FAAP20: variants seen among roughly 807,000 people sequenced by gnomAD.
The protein encoded by FAAP20 is Fanconi anemia core complex-associated protein 20.
FAAP20 carries 12 observed loss-of-function variants against 16.2 expected under a neutral mutation model. The ratio of observed to expected loss-of-function variants is 0.74; its 90% CI spans 0.48 to 1.20. The LOEUF is 1.20. Ranked by LOEUF, FAAP20 falls within the 50% of genes most tolerant of loss-of-function variation. The pLI is 0.00. For synonymous variants in FAAP20, 141 were observed against 110.7 expected (o/e 1.27, Z -1.72); for missense variants, 288 against 245.8 (o/e 1.17, Z -1.15).
chr1:2,209,060 C>G (rs1301281118), downstream of FAAP20, among the ~76,000 whole-genome samples: 1 of 152,188 alleles, frequency 6.6e-6, no homozygotes, highest in African/African-American at 2.4e-5. Flanking sequence ...GCAGAGCCCC[C>G]CAGGCCGGGT....
Position 2,194,079 on chromosome 1 carries a change from G to C in FAAP20, c.117C>G (p.Leu39=). 1 of 1,612,606 alleles carries C rather than the reference G, an allele frequency of 6.2e-7. No individual in the cohort carries two copies. The highest frequency in any genetic ancestry group is 1.1e-5 in the South Asian group (1 of 91,080). The part of the protein sequence containing the change: ...FLLGGDERER[L]WAELLRTVSP... Reference sequence around the variant, plus strand: ...TCACCGTGCGCAGTAGCTCGGCCCAGAGCCGCTCCCGCTCATCACCCCCCA... The same window carrying C: ...TCACCGTGCGCAGTAGCTCGGCCCACAGCCGCTCCCGCTCATCACCCCCCA... Residue 39 remains leucine (L), a synonymous_variant, in exon 2 of 4, where the codon CTC becomes CTG. Transcript: ENST00000378546.
rs569054807 is a variant in FAAP20, at chr1:2,190,577, T to C, written c.471-796A>G. 4 of 365,960 alleles carry C rather than the reference T, an allele frequency of 1.1e-5. No individual in the cohort carries two copies. The East Asian group carries it at 3.0e-4, about 27-fold the overall frequency. The allele number at this position is 365,960 out of a possible 1,614,324, so 22.7% of individuals were successfully genotyped here. A position where few individuals can be genotyped will look rare whatever the true frequency, so the allele number is the denominator to read the frequency against. ...GGTGTGGCCCTGGAAGCCAGGACAG[T>C]TGACTTCCGGCCATGACTCCCGGAG... On this transcript the variant is annotated intron_variant, in intron 3 of 3. Coordinates refer to ENST00000378546, the MANE Select transcript of FAAP20 (RefSeq NM_182533.4).
rs572831878 is a variant in FAAP20, at chr1:2,194,221, G to A, written c.63-88C>T. On this transcript the variant is annotated intron_variant, in intron 1 of 3. Coordinates refer to ENST00000378546, the MANE Select transcript of FAAP20 (RefSeq NM_182533.4). ...CCCGGGAGGGCCTGGGGCAGAGAGA[G>A]CGGGGAGATGGGGGGTACTAGAGGG... 5.5e-4 allele frequency: 840 copies of A among 1,529,240 alleles called. 10 individuals are homozygous for A. The African/African-American group carries it at 0.01, about 19-fold the overall frequency. The allele number at this position is 1,529,240 out of a possible 1,614,324, so 94.7% of individuals were successfully genotyped here. A position where few individuals can be genotyped will look rare whatever the true frequency, so the allele number is the denominator to read the frequency against.
chr1:2,198,470 C>T (rs2100724241), upstream of FAAP20: 3 of 411,882 alleles, frequency 7.3e-6, no homozygotes, highest in South Asian at 4.3e-5. Flanking sequence ...CAACTCCTTC[C>T]ACCGCGGAAG....
downstream of FAAP20, among the ~76,000 whole-genome samples, chr1:2,188,282 C>A (rs1386613561): frequency 1.3e-5 from 2 of 152,200 alleles, no homozygotes; most frequent in African/African-American, 2.4e-5. Flanking sequence ...CGGTGGCTGA[C>A]GGATCTGGGT....
At chr1:2,197,408 G>A (rs1309885276), upstream of FAAP20, among the ~76,000 whole-genome samples, 2 of 152,240 alleles carry the variant, frequency 1.3e-5, no homozygotes, top group African/African-American at 4.8e-5. Context: ...GCGCTGCCCG[G>A]CTGGCGCAGG....
chr1:2,192,214 C>A, intron 3 of FAAP20: 1 of 986,028 alleles, frequency 1.0e-6, no homozygotes, highest in Non-Finnish European at 1.2e-6. Flanking sequence ...AACCCTTGTT[C>A]CCAAAGATAT....
chr1:2,205,391 C>G (rs1423101690), intron 3 of FAAP20, among the ~76,000 whole-genome samples: 12 of 149,250 alleles, frequency 8.0e-5, no homozygotes, highest in Admixed American at 6.6e-4. Flanking sequence ...CTGGGGCAGC[C>G]GTCCCCGTGA....
In FAAP20 at chr1:2,189,632, G is replaced by A. The variant is rs1687933470; in HGVS notation, c.*77C>T. On this transcript the variant is annotated 3_prime_UTR_variant, in exon 4 of 4. Transcript: ENST00000378546. ...GCCGAGAGGCGGGGCTGCTGGCGGG[G>A]GAGCCGAGAGGCGGGGCTGCTGGCG... 8.1e-7 allele frequency: 1 copy of A among 1,234,430 alleles called. No individual in the cohort carries two copies. Among genetic ancestry groups the A allele is most frequent in the East Asian group, 2.4e-5 (1 of 41,170 alleles). 76.5% of individuals were successfully genotyped at this position (1,234,430 alleles called of 1,614,324 possible). A position where few individuals can be genotyped will look rare whatever the true frequency, so the allele number is the denominator to read the frequency against.
chr1:2,188,453 C>T (rs570788407), downstream of FAAP20, among the ~76,000 whole-genome samples: 70 of 152,356 alleles, frequency 4.6e-4, no homozygotes, highest in African/African-American at 1.6e-3. Flanking sequence ...CAACCAGACT[C>T]TCTCGGCTCC....
At chr1:2,195,733 G>A (rs577433119), upstream of FAAP20, among the ~76,000 whole-genome samples, 1 of 152,204 alleles carries the variant, frequency 6.6e-6, no homozygotes, top group South Asian at 2.1e-4. Flanking sequence ...GTGGCCCACC[G>A]TCCTTCAAGG....
At chr1:2,211,033 C>T (rs1689420299), downstream of FAAP20, among the ~76,000 whole-genome samples, 1 of 152,112 alleles carries the variant, frequency 6.6e-6, no homozygotes, top group Non-Finnish European at 1.5e-5. Context: ...TAGAGCTGTG[C>T]GACCTGGGGC....
At chr1:2,210,726 G>T (rs1366589714), downstream of FAAP20, among the ~76,000 whole-genome samples, 1 of 152,212 alleles carries the variant, frequency 6.6e-6, no homozygotes, top group African/African-American at 2.4e-5. Flanking sequence ...ACCAGGGCTG[G>T]GGCTCTTCTC....
upstream of FAAP20, chr1:2,198,341 G>C (rs1688907416): frequency 2.3e-6 from 1 of 438,850 alleles, no homozygotes; most frequent in Non-Finnish European, 3.9e-6. Context: ...CGGTGGGCTA[G>C]GAGGCCCCTT....
chr1:2,194,878 G>A (rs566730229), upstream of FAAP20: 2 of 847,956 alleles, frequency 2.4e-6, no homozygotes, highest in Middle Eastern at 5.6e-4. Context: ...GGAACCCCAG[G>A]GGCCCTGATC....
chr1:2,192,784 A>C (rs1688382340), intron 3 of FAAP20: 1 of 1,119,716 alleles, frequency 8.9e-7, no homozygotes, highest in South Asian at 1.3e-5. Flanking sequence ...CAGGCATGTA[A>C]AGATGGGATC....
chr1:2,210,259 C>T (rs551468331), downstream of FAAP20, among the ~76,000 whole-genome samples: 3 of 152,356 alleles, frequency 2.0e-5, no homozygotes, highest in Admixed American at 6.5e-5. Context: ...AGCCTCGAAA[C>T]CACCTTCTTT....
At chr1:2,199,536 C>T (rs1174473629), upstream of FAAP20, 9 of 985,866 alleles carry the variant, frequency 9.1e-6, no homozygotes, top group African/African-American at 7.0e-5. This position sits in a 1 kb window ranked among gnomAD's most constrained non-coding sequence, Gnocchi z 4.5. Context: ...TCAGAGTGCG[C>T]GGCACCAAGG....
chr1:2,190,475 C>T (rs1306298400), intron 3 of FAAP20: 1 of 445,206 alleles, frequency 2.2e-6, no homozygotes, highest in Admixed American at 2.4e-5. Context: ...AGCGCAGCCA[C>T]CTTCTATCCC....
Sources: gnomAD v4.1 joint callset for allele counts (sites outside exome capture counted in the v4.1 genomes callset) on GRCh38, gnomAD v4.1.1 for gene constraint, Gnocchi (gnomAD v3.1) non-coding constraint, MANE v1.5 for transcripts, NCBI Gene and HGNC (gene_info 2026-07-23, HGNC 2026-07-21) for gene names.